The following ARHGAP4 variants were observed in gnomAD, a reference collection of about 807,000 sequenced individuals.
ARHGAP4 encodes Rho GTPase activating protein 4, also known as rho GTPase-activating protein 4.
In ARHGAP4, 25 loss-of-function variants were observed where a neutral mutation model predicts 67.6. The ratio of observed to expected loss-of-function variants is 0.37; its 90% CI spans 0.27 to 0.52. The LOEUF (loss-of-function observed/expected upper bound fraction) is 0.52, where lower values mean the gene tolerates loss of function less well. Among genes scored for constraint, ARHGAP4 ranks in the 20% least tolerant of loss-of-function variants. The probability of loss-of-function intolerance (pLI) is 0.92; values close to 1 mark genes in which losing one functional copy is unlikely to be tolerated. For missense variants in ARHGAP4, 804 were observed against 854.6 expected (o/e 0.94, Z 0.74); for synonymous variants, 448 against 373.7 (o/e 1.20, Z -2.29).
rs1456586021 is a variant in ARHGAP4, at chrX:153,907,658, G to A, written c.*71C>T. ...ACTTGCTGGACAGGGCTGGAGAGAA[G>A]CAAGGGGGCTGGGGAGAGTGGCCGG... On this transcript the variant is annotated 3_prime_UTR_variant, in exon 22 of 22. Coordinates refer to ENST00000350060, the MANE Select transcript of ARHGAP4 (RefSeq NM_001666.5). 3 of 509,445 alleles carry A rather than the reference G, an allele frequency of 5.9e-6. No individual in the cohort carries two copies. The highest frequency in any genetic ancestry group is 8.8e-6 in the Non-Finnish European group (3 of 341,984). 42.0% of individuals were successfully genotyped at this position (509,445 alleles called of 1,213,427 possible).
intron 12 of ARHGAP4, among the ~76,000 whole-genome samples, chrX:153,911,474 T>C (rs1308364825): frequency 3.6e-5 from 4 of 111,429 alleles, no homozygotes; most frequent in Non-Finnish European, 7.5e-5. Flanking sequence ...CACAGAGGCT[T>C]AGCACACCGT....
intron 5 of ARHGAP4, among the ~76,000 whole-genome samples, chrX:153,920,038 G>C (rs1486333627): frequency 8.9e-6 from 1 of 111,782 alleles, no homozygotes; most frequent in Non-Finnish European, 1.9e-5. Flanking sequence ...ACCCACCTCA[G>C]CCTCCCAAAA....
chrX:153,908,602 T>G (rs1557101853), intron 21 of ARHGAP4, among the ~76,000 whole-genome samples: 1 of 77,616 alleles, frequency 1.3e-5, no homozygotes. Context: ...CCCACCCCAA[T>G]CCCCAACCAG....
chrX:153,921,988 T>C (rs1359674569), intron 1 of ARHGAP4, 179 bp from the exon 2 acceptor site: 1 of 830,906 alleles, frequency 1.2e-6, no homozygotes, highest in Non-Finnish European at 1.6e-6. Flanking sequence ...GCTAGGCCCC[T>C]GCAGGCAGAT....
intron 1 of ARHGAP4, chrX:153,922,085 C>T (rs1305953020): frequency 4.1e-6 from 4 of 972,438 alleles, no homozygotes; most frequent in Non-Finnish European, 5.2e-6. Flanking sequence ...AAGGGTGTCC[C>T]AGAGAGAGGG....
At chrX:153,918,667 T>C (rs2065071548) in intron 7 of ARHGAP4, among the ~76,000 whole-genome samples, 165 bp downstream of exon 7, 1 of 112,511 alleles carries the variant, frequency 8.9e-6, no homozygotes, top group Non-Finnish European at 1.9e-5. Context: ...GGGTGCACCC[T>C]TGGAGTGAGG....
chrX:153,919,197 A>G lies in ARHGAP4; in HGVS notation c.768T>C (p.Ala256=). The part of the protein sequence containing the change: ...YLLSLASVNA[A]VSNYYLHDVL... ...CGTCATGCAGGTAGTAGTTACTGAC[A>G]GCAGCGTTGACACTAGCCAGGCTAA... Residue 256 remains alanine, a synonymous_variant, in exon 6 of 22, where the codon GCT becomes GCC. Transcript: ENST00000350060. The G allele has an allele frequency of 8.2e-7, 1 of 1,212,276 alleles. No individual in the cohort carries two copies. Among genetic ancestry groups the G allele is most frequent in the Non-Finnish European group, 1.1e-6 (1 of 895,601 alleles).
At chrX:153,918,368 C>G (rs372060237) in intron 7 of ARHGAP4, among the ~76,000 whole-genome samples, 1 of 111,545 alleles carries the variant, frequency 9.0e-6, no homozygotes, top group Admixed American at 9.5e-5. Context: ...GCAGCTGTGA[C>G]GCCATCGGAA....
intron 21 of ARHGAP4, among the ~76,000 whole-genome samples, chrX:153,908,737 C>T (rs1557101911): frequency 8.9e-6 from 1 of 111,990 alleles, no homozygotes; most frequent in Non-Finnish European, 1.9e-5. Flanking sequence ...CCCTGGAGTC[C>T]CTTGCCTCTA....
At chrX:153,916,425 T>C (rs2065056081) in intron 7 of ARHGAP4, among the ~76,000 whole-genome samples, 1 of 112,811 alleles carries the variant, frequency 8.9e-6, no homozygotes. Flanking sequence ...CAATGGAGAT[T>C]ATAGGGCTGT....
chrX:153,925,925 G>T (rs782212887), intron 1 of ARHGAP4, among the ~76,000 whole-genome samples: 1 of 113,113 alleles, frequency 8.8e-6, no homozygotes, highest in African/African-American at 3.2e-5. Flanking sequence ...AAGGAAGGAA[G>T]ACAGGAAAGA....
At position 153,910,808 on chromosome X, in the gene ARHGAP4, T is replaced by C. The variant is rs1319020789; in HGVS notation, c.1708A>G (p.Thr570Ala). 1.7e-6 allele frequency: 2 copies of C among 1,188,591 alleles called. No homozygotes were observed. The highest frequency in any genetic ancestry group is 3.5e-5 in the African/African-American group (2 of 56,580). ...GCCACCGAGTCCAGGTCATGGGCAGTGCAGCCCTCCACCAGTGGGTCCTCC... is the reference window on the plus strand; with the variant it reads ...GCCACCGAGTCCAGGTCATGGGCAGCGCAGCCCTCCACCAGTGGGTCCTCC... Reference protein sequence around the residue: ...RGEDPLVEGCTAHDLDSVAGV... With the variant: ...RGEDPLVEGCAAHDLDSVAGV... Residue 570 changes from threonine (T) to alanine (A), a missense_variant, in exon 15 of 22, where the codon ACT (threonine) becomes GCT (alanine). Coordinates refer to ENST00000350060, the MANE Select transcript of ARHGAP4 (RefSeq NM_001666.5).
intron 7 of ARHGAP4, among the ~76,000 whole-genome samples, chrX:153,915,359 C>A (rs950186652): frequency 2.1e-4 from 23 of 112,062 alleles, no homozygotes; most frequent in Non-Finnish European, 1.7e-4. Flanking sequence ...CGCACACTTA[C>A]AAATGGTGAA....
intron 5 of ARHGAP4, chrX:153,919,575 T>A: frequency 8.6e-7 from 1 of 1,159,536 alleles, no homozygotes; most frequent in South Asian, 1.9e-5. Context: ...ACCTGATGAG[T>A]GGAAGGTGCG....
intron 5 of ARHGAP4, 81 bp downstream of exon 5, chrX:153,920,545 C>T (rs979226119): frequency 2.1e-4 from 226 of 1,052,606 alleles, no homozygotes; most frequent in Admixed American, 3.0e-4. Context: ...GCACCCAGCC[C>T]TGACTTCCCC....
At chrX:153,922,780 G>T (rs2065104394) in intron 1 of ARHGAP4, among the ~76,000 whole-genome samples, 1 of 112,147 alleles carries the variant, frequency 8.9e-6, no homozygotes, top group African/African-American at 3.2e-5. Context: ...TGTTGATTAT[G>T]CACCCATTCT....
At chrX:153,920,020 C>T (rs545157852) in intron 5 of ARHGAP4, among the ~76,000 whole-genome samples, 1 of 111,618 alleles carries the variant, frequency 9.0e-6, no homozygotes, top group South Asian at 3.7e-4. Flanking sequence ...CTCCTGACTT[C>T]GTGATCCACC....
chrX:153,910,945 T>C lies in ARHGAP4; in HGVS notation c.1658A>G (p.Glu553Gly). ...ACCTCTCTCGAAGGCATCACGGATC[T>C]CTGAGACCCGGAGCTGGGCACCCGA... ...RVSGAQLRVS[E>G]IRDAFERGED... is the part of the protein sequence containing the mutation. The change falls in exon 14 of 22, where the codon GAG becomes GGG. Residue 553 changes from glutamate (E) to glycine (G), a missense_variant. By Grantham distance (98) the Glu-to-Gly change is moderately conservative. Coordinates refer to ENST00000350060, the MANE Select transcript of ARHGAP4 (RefSeq NM_001666.5). 4.7e-6 allele frequency: 5 copies of C among 1,071,208 alleles called. No individual in the cohort carries two copies. The highest frequency in any genetic ancestry group is 6.1e-6 in the Non-Finnish European group (5 of 816,412). 88.3% of individuals were successfully genotyped at this position (1,071,208 alleles called of 1,213,427 possible).
chrX:153,911,365 C>T, intron 12 of ARHGAP4, among the ~76,000 whole-genome samples, 176 bp from the exon 13 acceptor site: 1 of 104,177 alleles, frequency 9.6e-6, no homozygotes, highest in East Asian at 3.2e-4. Flanking sequence ...TCAAGTGATA[C>T]TCCTGCCTCA....
Sources: gnomAD v4.1 joint callset for allele counts (sites outside exome capture counted in the v4.1 genomes callset) on GRCh38, gnomAD v4.1.1 for gene constraint, MANE v1.5 for transcripts, NCBI Gene and HGNC (gene_info 2026-07-23, HGNC 2026-07-21) for gene names.